The following NMNAT2 variants were observed in gnomAD, a reference collection of about 807,000 sequenced individuals.
The protein encoded by NMNAT2 is nicotinamide nucleotide adenylyltransferase 2.
A neutral mutation model predicts 41.6 loss-of-function variants in NMNAT2; 11 were observed. That is an observed-to-expected ratio of 0.26 (90% CI 0.17 to 0.44). The LOEUF is 0.44. Ranked by LOEUF, NMNAT2 falls within the 20% of genes least tolerant of loss-of-function variation. NMNAT2 has a pLI of 1.00. For missense variants in NMNAT2, 288 were observed against 407.7 expected (o/e 0.71, Z 2.53); for synonymous variants, 148 against 151.2 (o/e 0.98, Z 0.16).
intron 1 of NMNAT2, among the ~76,000 whole-genome samples, chr1:183,381,941 G>A (rs953345522): frequency 6.6e-6 from 1 of 152,136 alleles, no homozygotes; most frequent in Non-Finnish European, 1.5e-5. Context: ...TCCAAACCAG[G>A]CATCTGATTC....
chr1:183,414,943 A>T (rs1649213759), intron 1 of NMNAT2, among the ~76,000 whole-genome samples: 1 of 152,162 alleles, frequency 6.6e-6, no homozygotes, highest in Admixed American at 6.5e-5. Flanking sequence ...TTTTTAAAAA[A>T]AAATTATTAC....
At chr1:183,393,465 A>C (rs997337553) in intron 1 of NMNAT2, among the ~76,000 whole-genome samples, 5 of 150,188 alleles carry the variant, frequency 3.3e-5, no homozygotes, top group African/African-American at 1.2e-4. Context: ...TGGCTGCTAC[A>C]CAGTTGGCTT....
chr1:183,288,794 G>T (rs1661459754), intron 4 of NMNAT2, among the ~76,000 whole-genome samples: 1 of 152,218 alleles, frequency 6.6e-6, no homozygotes, highest in South Asian at 2.1e-4. Flanking sequence ...TGCCTATCCT[G>T]ACTGATACAG....
Position 183,261,259 on chromosome 1 carries a change from C to G in NMNAT2, c.696G>C (p.Arg232=). Residue 232 remains arginine, a synonymous_variant, in exon 9 of 11, where the codon CGG becomes CGC. Transcript: ENST00000287713. ...VGDFGIVVVP[R]DAADTDRIMN... is the part of the protein sequence containing the mutation. The stretch of plus-strand genomic sequence containing the variant: ...TGATTCGGTCTGTGTCGGCTGCATC[C>G]CGGGGCACCACCACAATCCCAAAGT... The G allele has an allele frequency of 6.2e-7, 1 of 1,613,950 alleles. No individual in the cohort carries two copies. The highest frequency in any genetic ancestry group is 8.5e-7 in the Non-Finnish European group (1 of 1,180,022).
At chr1:183,277,020 C>CTG (rs1661138751) in intron 8 of NMNAT2, among the ~76,000 whole-genome samples, 3 of 152,262 alleles carry the variant, frequency 2.0e-5, no homozygotes, top group South Asian at 2.1e-4. Context: ...TTGTGTGTAT[C>CTG]TGTGTGTGTA....
intron 1 of NMNAT2, among the ~76,000 whole-genome samples, chr1:183,406,466 A>T (rs2702183): frequency 4.6e-5 from 7 of 151,972 alleles, no homozygotes; most frequent in Admixed American, 1.3e-4. Context: ...GGACAATCTT[A>T]AAAAAAGTGC....
chr1:183,379,092 A>ATCTATATCTATATCTATATCTATATCCAT (rs142685154), intron 1 of NMNAT2, among the ~76,000 whole-genome samples: 1 of 115,246 alleles, frequency 8.7e-6, no homozygotes, highest in Non-Finnish European at 1.9e-5. Flanking sequence ...CTATATCTAT[A>ATCTATATCTATATCTATATCTATATCCAT]ATCTATAATC....
intron 1 of NMNAT2, among the ~76,000 whole-genome samples, chr1:183,412,141 C>A (rs760453176): frequency 1.3e-5 from 2 of 152,204 alleles, no homozygotes; most frequent in African/African-American, 2.4e-5. Context: ...GACAGAGATA[C>A]GGAGCTCTGG....
chr1:183,341,684 A>AC (rs1221914997), intron 1 of NMNAT2, among the ~76,000 whole-genome samples: 1 of 75,888 alleles, frequency 1.3e-5, no homozygotes, highest in Non-Finnish European at 2.8e-5. Flanking sequence ...GAGAAAAAAA[A>AC]AAAGAGAGAG....
intron 3 of NMNAT2, among the ~76,000 whole-genome samples, chr1:183,291,746 C>T (rs1222454458): frequency 1.3e-5 from 2 of 152,226 alleles, no homozygotes; most frequent in Non-Finnish European, 2.9e-5. Context: ...CATTTCTAAT[C>T]CTTTCTTGCC....
chr1:183,384,776 T>C (rs1409203318), intron 1 of NMNAT2, among the ~76,000 whole-genome samples: 1 of 152,156 alleles, frequency 6.6e-6, no homozygotes, highest in African/African-American at 2.4e-5. Flanking sequence ...GTAACACAAA[T>C]GTGAGAGAAA....
intron 1 of NMNAT2, among the ~76,000 whole-genome samples, chr1:183,417,058 C>T (rs1649275401): frequency 6.6e-6 from 1 of 152,174 alleles, no homozygotes; most frequent in African/African-American, 2.4e-5. Context: ...AGAAAAAGCA[C>T]CCCCAACTTC....
At chr1:183,397,406 G>A (rs1359996261) in intron 1 of NMNAT2, among the ~76,000 whole-genome samples, 1 of 152,092 alleles carries the variant, frequency 6.6e-6, no homozygotes, top group African/African-American at 2.4e-5. Flanking sequence ...AGCAATATAG[G>A]ACTATGTGAA....
In NMNAT2 at chr1:183,338,149, T is replaced by TA. The variant is rs59064477; in HGVS notation, c.86-44357dup. Among the ~76,000 whole-genome samples the TA allele has an allele frequency of 2.7e-3, 262 of 96,414 alleles. 1 individual carries two copies. Among genetic ancestry groups the TA allele is most frequent in the Admixed American group, 4.3e-3 (32 of 7,486 alleles). 63.3% of individuals were successfully genotyped at this position (96,414 alleles called of 152,430 possible). On this transcript the variant is annotated intron_variant, in intron 1 of 10. Coordinates refer to ENST00000287713, the MANE Select transcript of NMNAT2 (RefSeq NM_015039.4). ...CAACATAGTGAGACCCCCATCTCTT[T>TA]AAAAAAAAAAAAAAAAAAAGCAAAT... is the stretch of plus-strand genomic sequence containing the variant.
chr1:183,402,774 G>T (rs372222309), intron 1 of NMNAT2, among the ~76,000 whole-genome samples: 2 of 152,106 alleles, frequency 1.3e-5, no homozygotes, highest in East Asian at 1.9e-4. Flanking sequence ...TCCCACGAAG[G>T]TCTTTGGACA....
chr1:183,391,129 A>G (rs185317030), intron 1 of NMNAT2, among the ~76,000 whole-genome samples: 18 of 152,130 alleles, frequency 1.2e-4, no homozygotes, highest in Non-Finnish European at 7.4e-5. Flanking sequence ...TCCACACCAC[A>G]TCACTTAGGC....
At chr1:183,266,654 A>G (rs1368668503) in intron 8 of NMNAT2, 1 of 155,100 alleles carries the variant, frequency 6.4e-6, no homozygotes, top group African/African-American at 2.4e-5. Context: ...GATGCAAGAA[A>G]CCAAAATTGC....
intron 1 of NMNAT2, among the ~76,000 whole-genome samples, chr1:183,395,560 G>A (rs1648614803): frequency 6.6e-6 from 1 of 152,114 alleles, no homozygotes; most frequent in Non-Finnish European, 1.5e-5. Context: ...CCATCTCTTT[G>A]TAAAATGTTT....
At chr1:183,278,406 G>T (rs544818847) in intron 8 of NMNAT2, 147 bp downstream of exon 8, 5 of 606,146 alleles carry the variant, frequency 8.2e-6, no homozygotes, top group Middle Eastern at 5.2e-4. Context: ...AAGCTTGGGG[G>T]TAGGTGAGAA....
Sources: allele counts gnomAD v4.1 joint callset (sites outside exome capture counted in the v4.1 genomes callset), GRCh38; gene constraint gnomAD v4.1.1; transcripts MANE v1.5; gene names NCBI Gene and HGNC (gene_info 2026-07-23, HGNC 2026-07-21).